Variants in NRBP1 observed in about 807,000 individuals in gnomAD.
NRBP1 encodes the protein nuclear receptor binding protein 1.
NRBP1 carries 10 observed loss-of-function variants against 76.0 expected under a neutral mutation model. That is an observed-to-expected ratio of 0.13 (90% CI 0.08 to 0.22). The LOEUF (loss-of-function observed/expected upper bound fraction) is 0.22, where lower values mean the gene tolerates loss of function less well. Among genes scored for constraint, NRBP1 ranks in the 10% least tolerant of loss-of-function variants. The pLI, the probability that NRBP1 is intolerant of heterozygous loss-of-function variation, is 1.00. For missense variants in NRBP1, 344 were observed against 646.0 expected (o/e 0.53, Z 5.07); for synonymous variants, 235 against 240.2 (o/e 0.98, Z 0.20).
At chr2:27,437,766 A>G (rs1664367504) in intron 10 of NRBP1, among the ~76,000 whole-genome samples, 1 of 151,996 alleles carries the variant, frequency 6.6e-6, no homozygotes, top group Non-Finnish European at 1.5e-5. Flanking sequence ...CCAGCTACTC[A>G]GGAGGCTGAG....
At chr2:27,441,366 T>A in intron 16 of NRBP1, 36 bp downstream of exon 16, 1 of 1,598,460 alleles carries the variant, frequency 6.3e-7, no homozygotes, top group Non-Finnish European at 8.6e-7. Context: ...ATGGAGAGTC[T>A]ATGAGCCTTA....
In NRBP1 at chr2:27,441,694, C is replaced by T; in HGVS notation, c.1504-14C>T. The T allele has an allele frequency of 6.2e-7, 1 of 1,611,896 alleles. No individual in the cohort carries two copies. The highest frequency in any genetic ancestry group is 8.5e-7 in the Non-Finnish European group (1 of 1,178,004). ...TTCTCTCAGCCCCCATCTTACTGAG[C>T]TCTTCTCCCCCAGGCTGACCAGAGC... is the stretch of plus-strand genomic sequence containing the variant. On this transcript the variant is annotated splice_polypyrimidine_tract_variant and intron_variant, in intron 17 of 17. Coordinates refer to ENST00000379852, the MANE Select transcript of NRBP1 (RefSeq NM_013392.4).
At position 27,441,809 on chromosome 2, in the gene NRBP1, T is replaced by C; in HGVS notation, c.1605T>C (p.Ser535=). The stretch of plus-strand genomic sequence containing the variant: ...ACTCAGCCGCTGTCACCGTCTCCTC[T>C]TAGAGCTCACTCGGGCCAGGCCCTG... ...TLNSAAVTVS[S] is the part of the protein sequence containing the mutation. Residue 535 remains serine (S), a synonymous_variant, in exon 18 of 18, where the codon TCT becomes TCC. Transcript: ENST00000379852. 1 of 1,606,190 alleles carries C rather than the reference T, an allele frequency of 6.2e-7. No homozygotes were observed.
At chr2:27,435,903 G>T (rs906000499) in intron 7 of NRBP1, 6 of 666,290 alleles carry the variant, frequency 9.0e-6, no homozygotes, top group Admixed American at 2.2e-5. Context: ...CCCTCCGCCT[G>T]CTTGCCCCTT....
chr2:27,436,619 G>C, intron 7 of NRBP1, 134 bp from the exon 8 acceptor site: 2 of 703,128 alleles, frequency 2.8e-6, no homozygotes, highest in Non-Finnish European at 2.6e-6. Flanking sequence ...ACAGGAAAGG[G>C]AATATGTTTG....
At position 27,442,114 on chromosome 2, in the gene NRBP1, GC is replaced by G. The variant is rs1372787262; in HGVS notation, c.*305del. On this transcript the variant is annotated 3_prime_UTR_variant, in exon 18 of 18. Transcript: ENST00000379852. ...CCCGCCCAGCCTGTGTGGAAAGGAG[GC>G]CCACGGGCACTAGGGGAGCCGAATT... 5.7e-6 allele frequency: 3 copies of G among 529,334 alleles called. No homozygotes were observed. Among genetic ancestry groups the G allele is most frequent in the Non-Finnish European group, 9.9e-6 (3 of 302,978 alleles). 32.8% of individuals were successfully genotyped at this position (529,334 alleles called of 1,614,324 possible).
rs1425855892 is a variant in NRBP1 at position 27,428,727 on chromosome 2, G to A, written c.-25G>A. ...AGCGCAGGCTGCGGGGCGCGGAGTC[G>A]GGAGGTGAGCGCCCAGGGAAAAGAG... On this transcript the variant is annotated 5_prime_UTR_variant, in exon 1 of 18. Coordinates refer to ENST00000379852, the MANE Select transcript of NRBP1 (RefSeq NM_013392.4). The A allele has an allele frequency of 7.5e-6, 3 of 398,180 alleles. No homozygotes were observed. The highest frequency in any genetic ancestry group is 1.3e-5 in the Non-Finnish European group (3 of 225,848). The allele number at this position is 398,180 out of a possible 1,614,324, so 24.7% of individuals were successfully genotyped here.
In NRBP1 at chr2:27,434,097, A is replaced by G; in HGVS notation, c.435+7A>G. 1 of 1,603,344 alleles carries G rather than the reference A, an allele frequency of 6.2e-7. No homozygotes were observed. The highest frequency in any genetic ancestry group is 8.5e-7 in the Non-Finnish European group (1 of 1,171,274). ...TAAAGAGAACAAGGCCAGGGTAAGA[A>G]TTTTTTCCCCATATTTCCTGAACTT... On this transcript the variant is annotated splice_region_variant and intron_variant, in intron 4 of 17. Coordinates refer to ENST00000379852, the MANE Select transcript of NRBP1 (RefSeq NM_013392.4).
chr2:27,433,552 C>G (rs1664188731), intron 2 of NRBP1, 69 bp downstream of exon 2: 7 of 1,603,500 alleles, frequency 4.4e-6, no homozygotes, highest in Non-Finnish European at 6.0e-6. Flanking sequence ...AGAGCAAAGT[C>G]TTAAAAGAGG....
intron 8 of NRBP1, 95 bp from the exon 9 acceptor site, chr2:27,436,952 A>G: frequency 6.8e-7 from 1 of 1,471,138 alleles, no homozygotes; most frequent in Non-Finnish European, 9.4e-7. Context: ...AGCATACAAA[A>G]TATTTTTCTT....
At chr2:27,435,440 T>G in intron 7 of NRBP1, 1 of 599,972 alleles carries the variant, frequency 1.7e-6, no homozygotes, top group Non-Finnish European at 3.0e-6. Context: ...GAAGGGAAAA[T>G]TGGGGTTAAT....
chr2:27,434,831 AC>A, intron 6 of NRBP1, 69 bp downstream of exon 6: 1 of 1,456,608 alleles, frequency 6.9e-7, no homozygotes, highest in Non-Finnish European at 9.6e-7. Context: ...ATTTCAGGGC[AC>A]TACTCTTCTG....
In NRBP1 at chr2:27,435,124, C is replaced by A; in HGVS notation, c.567-9C>A. 6.2e-7 allele frequency: 1 copy of A among 1,608,866 alleles called. No homozygotes were observed. Among genetic ancestry groups the A allele is most frequent in the Non-Finnish European group, 8.5e-7 (1 of 1,176,098 alleles). On this transcript the variant is annotated splice_polypyrimidine_tract_variant and intron_variant, in intron 6 of 17. Transcript: ENST00000379852. ...CAGTGGCCCCTCTAACAGCCCAGTG[C>A]CCCCACAGCTACCTGCACTCCTGTG...
At chr2:27,435,349 A>G (rs1168173632) in intron 7 of NRBP1, 122 bp downstream of exon 7, 5 of 744,266 alleles carry the variant, frequency 6.7e-6, no homozygotes, top group African/African-American at 5.3e-5. Flanking sequence ...GAGAAGAGAA[A>G]GGACCTTGCT....
At chr2:27,436,732 G>C (rs780773387) in intron 7 of NRBP1, 21 bp from the exon 8 acceptor site, 1 of 1,600,098 alleles carries the variant, frequency 6.2e-7, no homozygotes, top group East Asian at 2.2e-5. Context: ...GTCAGATTGT[G>C]GGTGTCTCCC....
chr2:27,436,679 T>G (rs760889641), intron 7 of NRBP1, 74 bp from the exon 8 acceptor site: 1 of 1,362,378 alleles, frequency 7.3e-7, no homozygotes. Context: ...AATTTGGCTT[T>G]TGGGGCCTCT....
intron 11 of NRBP1, 111 bp from the exon 12 acceptor site, chr2:27,440,292 A>G: frequency 1.3e-6 from 1 of 769,840 alleles, no homozygotes; most frequent in South Asian, 1.6e-5. Flanking sequence ...TACAGGCATG[A>G]GCCACTGTGC....
At chr2:27,436,286 C>T in intron 7 of NRBP1, 1 of 191,864 alleles carries the variant, frequency 5.2e-6, no homozygotes, top group South Asian at 1.1e-4. Context: ...CTTATTTATC[C>T]AAGTTCCTGA....
intron 1 of NRBP1, among the ~76,000 whole-genome samples, chr2:27,429,996 G>A (rs900062507): frequency 6.6e-6 from 1 of 152,166 alleles, no homozygotes; most frequent in Admixed American, 6.6e-5. Flanking sequence ...CATTTTCTTA[G>A]CTACTTTTCA....
Sources: gnomAD v4.1 joint callset for allele counts (sites outside exome capture counted in the v4.1 genomes callset) on GRCh38, gnomAD v4.1.1 for gene constraint, MANE v1.5 for transcripts, NCBI Gene and HGNC (gene_info 2026-07-23, HGNC 2026-07-21) for gene names.